The following GPR176 variants were observed in gnomAD, a reference collection of about 807,000 sequenced individuals.
The protein encoded by GPR176 is G-protein coupled receptor 176.
Under a neutral mutation model 35.4 loss-of-function variants are expected in GPR176, and 26 were observed. The observed-to-expected ratio is 0.74, with a 90% CI of 0.54 to 1.02. The LOEUF (loss-of-function observed/expected upper bound fraction) is 1.02, where lower values mean the gene tolerates loss of function less well. Ranked by LOEUF, GPR176 falls within the 50% of genes least tolerant of loss-of-function variation. GPR176 has a pLI of 0.00. For synonymous variants in GPR176, 278 were observed against 271.3 expected (o/e 1.02, Z -0.24); for missense variants, 597 against 665.3 (o/e 0.90, Z 1.13).
intron 1 of GPR176, among the ~76,000 whole-genome samples, chr15:39,855,185 C>T (rs1034076690): frequency 6.6e-6 from 1 of 152,074 alleles, no homozygotes; most frequent in Non-Finnish European, 1.5e-5. Context: ...TTCATAGTAC[C>T]TGCTAAAAGA....
chr15:39,897,431 C>T (rs1204306302), intron 1 of GPR176, among the ~76,000 whole-genome samples: 1 of 152,182 alleles, frequency 6.6e-6, no homozygotes, highest in East Asian at 1.9e-4. Flanking sequence ...TAAGACTTAT[C>T]TCTCAAACAC....
intron 1 of GPR176, among the ~76,000 whole-genome samples, chr15:39,873,249 T>A (rs1413950358): frequency 6.6e-6 from 1 of 152,116 alleles, no homozygotes; most frequent in Non-Finnish European, 1.5e-5. Flanking sequence ...TCTCCCAAAG[T>A]CATAAAGCTA....
chr15:39,823,740 C>T (rs1900432730), intron 1 of GPR176, among the ~76,000 whole-genome samples: 1 of 152,214 alleles, frequency 6.6e-6, no homozygotes, highest in Non-Finnish European at 1.5e-5. Context: ...AGCCTGCCCA[C>T]CGCTAGACTG....
At chr15:39,806,055 G>C (rs1248825673) in intron 2 of GPR176, among the ~76,000 whole-genome samples, 1 of 152,216 alleles carries the variant, frequency 6.6e-6, no homozygotes. Flanking sequence ...CCTGGCCTGA[G>C]AGGCTGAAAT....
intron 1 of GPR176, among the ~76,000 whole-genome samples, chr15:39,909,572 A>G (rs1204509878): frequency 6.6e-6 from 1 of 152,220 alleles, no homozygotes; most frequent in Admixed American, 6.5e-5. Flanking sequence ...AAGAAAAACA[A>G]AACACTTGCA....
chr15:39,886,373 A>G (rs1047383920), intron 1 of GPR176, among the ~76,000 whole-genome samples: 23 of 152,316 alleles, frequency 1.5e-4, no homozygotes, highest in African/African-American at 5.1e-4. Context: ...ACCTAGAAGC[A>G]GCACAACCTG....
At chr15:39,804,864 C>T (rs1899095104) in intron 2 of GPR176, among the ~76,000 whole-genome samples, 1 of 152,126 alleles carries the variant, frequency 6.6e-6, no homozygotes. Context: ...ATGATTCCAC[C>T]TACATGTAAT....
At chr15:39,811,903 G>A (rs756124305) in intron 1 of GPR176, among the ~76,000 whole-genome samples, 19 of 148,756 alleles carry the variant, frequency 1.3e-4, no homozygotes, top group Admixed American at 4.7e-4. Flanking sequence ...GTGACAGAGC[G>A]AGACTCCGTC....
intron 1 of GPR176, among the ~76,000 whole-genome samples, chr15:39,901,697 C>T (rs2033282647): frequency 6.6e-6 from 1 of 152,156 alleles, no homozygotes; most frequent in Non-Finnish European, 1.5e-5. Flanking sequence ...TCCACGGACA[C>T]TAAGAAGTTG....
chr15:39,800,182 T>G lies in GPR176; in HGVS notation c.*950A>C, dbSNP rs1418453670. The G allele has an allele frequency of 1.3e-5, 2 of 152,210 alleles. No homozygotes were observed. The highest frequency in any genetic ancestry group is 2.4e-5 in the African/African-American group (1 of 41,458). The allele number at this position is 152,210 out of a possible 1,614,324, so 9.4% of individuals were successfully genotyped here. ...AACTCTCCATTTTAAAAATACCTTT[T>G]AATTCCTAAAGTTTGCATAAGATGA... On this transcript the variant is annotated 3_prime_UTR_variant, in exon 3 of 3. Transcript: ENST00000561100.
intron 1 of GPR176, among the ~76,000 whole-genome samples, chr15:39,887,598 T>TAA (rs1419906788): frequency 2.4e-4 from 7 of 29,748 alleles, no homozygotes; most frequent in African/African-American, 6.5e-4. Flanking sequence ...TAATTTAAAT[T>TAA]TAAAAAAAAA....
chr15:39,887,326 G>GT (rs1322996755), intron 1 of GPR176, among the ~76,000 whole-genome samples: 8 of 152,292 alleles, frequency 5.3e-5, no homozygotes, highest in Middle Eastern at 3.4e-3. Context: ...TAGTGCATAT[G>GT]TAAGTCCTTG....
chr15:39,902,690 A>C (rs1175430625), intron 1 of GPR176, among the ~76,000 whole-genome samples: 1 of 152,208 alleles, frequency 6.6e-6, no homozygotes, highest in African/African-American at 2.4e-5. Context: ...ATTAACACTC[A>C]GGTTGACTTC....
intron 1 of GPR176, among the ~76,000 whole-genome samples, chr15:39,854,981 T>C (rs35744719): frequency 0.033 from 4,932 of 150,700 alleles, 256 homozygotes; most frequent in East Asian, 0.24. Context: ...AGCCAAGGAG[T>C]TCAAGGCTGC....
intron 1 of GPR176, among the ~76,000 whole-genome samples, chr15:39,822,857 T>C (rs1900367883): frequency 6.6e-6 from 1 of 152,184 alleles, no homozygotes; most frequent in Non-Finnish European, 1.5e-5. Context: ...GGAAACACCA[T>C]AAAAGCCACA....
intron 1 of GPR176, among the ~76,000 whole-genome samples, chr15:39,904,002 G>A (rs1333982023): frequency 6.6e-6 from 1 of 152,192 alleles, no homozygotes; most frequent in Non-Finnish European, 1.5e-5. Context: ...TAAACAAGGG[G>A]TGGGTTATTC....
chr15:39,876,732 G>A (rs554261177), intron 1 of GPR176, among the ~76,000 whole-genome samples: 153 of 152,130 alleles, frequency 1.0e-3, no homozygotes, highest in African/African-American at 3.6e-3. Flanking sequence ...CCACTTGGGA[G>A]GTGGGAGGAT....
At position 39,873,382 on chromosome 15, in the gene GPR176, A is replaced by AG. The variant is rs1431330494; in HGVS notation, c.172+46472dup. ...GGCAAGTGATAATGGGAAACATTTCAGGGGCAGAATCAATTTGGGAATGAG... is the reference window on the plus strand; with the variant it reads ...GGCAAGTGATAATGGGAAACATTTCAGGGGGCAGAATCAATTTGGGAATGAG... On this transcript the variant is annotated intron_variant, in intron 1 of 2. Coordinates refer to ENST00000561100, the MANE Select transcript of GPR176 (RefSeq NM_007223.3). Among the ~76,000 whole-genome samples the AG allele has an allele frequency of 5.9e-5, 9 of 152,326 alleles. No homozygotes were observed. The East Asian group carries it at 1.7e-3, about 29-fold the overall frequency.
intron 1 of GPR176, among the ~76,000 whole-genome samples, chr15:39,838,221 A>C (rs1901527515): frequency 6.6e-6 from 1 of 152,116 alleles, no homozygotes; most frequent in Non-Finnish European, 1.5e-5. Context: ...AAAGCTAAAA[A>C]ATGAATCTCT....
Sources: gnomAD v4.1 joint callset for allele counts (sites outside exome capture counted in the v4.1 genomes callset) on GRCh38, gnomAD v4.1.1 for gene constraint, MANE v1.5 for transcripts, NCBI Gene and HGNC (gene_info 2026-07-23, HGNC 2026-07-21) for gene names.